The following PCCA variants were observed in gnomAD, a reference collection of about 807,000 sequenced individuals.
PCCA encodes the protein propionyl-CoA carboxylase subunit alpha, also known as propionyl-CoA carboxylase alpha chain, mitochondrial.
Under a neutral mutation model 101.3 loss-of-function variants are expected in PCCA, and 74 were observed. The observed-to-expected ratio is 0.73, with a 90% CI of 0.61 to 0.89. The LOEUF (loss-of-function observed/expected upper bound fraction) is 0.89. Ranked by LOEUF, PCCA falls within the 40% of genes least tolerant of loss-of-function variation. The pLI is 0.00. For missense variants in PCCA, 891 were observed against 907.0 expected, an observed-to-expected ratio of 0.98 and a Z score of 0.23; for synonymous variants, 294 against 313.6, an observed-to-expected ratio of 0.94 and a Z score of 0.66.
intron 19 of PCCA, among the ~76,000 whole-genome samples, chr13:100,406,612 G>C (rs1283283): frequency 0.065 from 9,850 of 152,278 alleles, 983 homozygotes; most frequent in African/African-American, 0.22. Context: ...GCTGAGGTAG[G>C]AGAATCGCTT....
chr13:100,363,041 T>G (rs1025106603), intron 18 of PCCA, among the ~76,000 whole-genome samples: 2 of 152,214 alleles, frequency 1.3e-5, no homozygotes, highest in African/African-American at 2.4e-5. Context: ...CTGTTTAAAA[T>G]TCCTTTAATC....
chr13:100,264,266 CAT>C (rs1379919897), intron 10 of PCCA, among the ~76,000 whole-genome samples: 7 of 149,952 alleles, frequency 4.7e-5, no homozygotes, highest in Non-Finnish European at 8.9e-5. Flanking sequence ...ATCTGTATCT[CAT>C]ATATATGTAT....
At chr13:100,427,368 T>C (rs2079225297) in intron 20 of PCCA, among the ~76,000 whole-genome samples, 1 of 152,234 alleles carries the variant, frequency 6.6e-6, no homozygotes, top group South Asian at 2.1e-4. Flanking sequence ...AAGAAAGAGG[T>C]ACAAACTCCT....
rs554015301 is a variant in PCCA, at chr13:100,117,985, A to G, written c.300+5924A>G. Among the ~76,000 whole-genome samples, 158 of 151,998 alleles carry G rather than the reference A, an allele frequency of 1.0e-3. No individual in the cohort carries two copies. In the East Asian group the frequency reaches 0.011, roughly 10 times the overall value. On this transcript the variant is annotated intron_variant, in intron 4 of 23. Coordinates refer to ENST00000376285, the MANE Select transcript of PCCA (RefSeq NM_000282.4). ...CAAAAAATTAGCCAGGCGTGGTGGC[A>G]GGCTCCTGTGGTCCCAGCTACTTGG... is the stretch of plus-strand genomic sequence containing the variant.
intron 19 of PCCA, among the ~76,000 whole-genome samples, chr13:100,374,914 G>A (rs977473194): frequency 1.3e-5 from 2 of 152,106 alleles, no homozygotes; most frequent in African/African-American, 4.8e-5. Flanking sequence ...GCTAGGTTTT[G>A]AATTTGTTTG....
In PCCA at chr13:100,394,219, A is replaced by G. The variant is rs945353927; in HGVS notation, c.1746+25645A>G. ...TTTGTTGCAACTGAATTCTCATTTC[A>G]TTCATCCATAACTAGAAACACCTCG... is the stretch of plus-strand genomic sequence containing the variant. On this transcript the variant is annotated intron_variant, in intron 19 of 23. Transcript: ENST00000376285. The surrounding 1 kb of genome is among the most constrained non-coding windows in gnomAD (Gnocchi z 4.3). Among the ~76,000 whole-genome samples, 90 of 152,348 alleles carry G rather than the reference A, an allele frequency of 5.9e-4. No individual in the cohort carries two copies. Among genetic ancestry groups the G allele is most frequent in the African/African-American group, 2.1e-3 (88 of 41,582 alleles).
chr13:100,471,446 A>G (rs2083002801), intron 21 of PCCA, among the ~76,000 whole-genome samples: 1 of 152,228 alleles, frequency 6.6e-6, no homozygotes, highest in South Asian at 2.1e-4. Flanking sequence ...ATGCTGTTGG[A>G]AAAAATGGTG....
At chr13:100,230,683 T>G (rs1007101782) in intron 7 of PCCA, among the ~76,000 whole-genome samples, 1 of 152,162 alleles carries the variant, frequency 6.6e-6, no homozygotes, top group Non-Finnish European at 1.5e-5. Context: ...CCTCTCAAAG[T>G]GTTCATTTGT....
intron 7 of PCCA, among the ~76,000 whole-genome samples, chr13:100,209,872 T>C (rs1448432630): frequency 6.6e-6 from 1 of 152,122 alleles, no homozygotes; most frequent in African/African-American, 2.4e-5. Context: ...CCCCAGGTGA[T>C]CTGCCTGCTT....
intron 8 of PCCA, among the ~76,000 whole-genome samples, chr13:100,254,305 A>G (rs1682310481): frequency 1.3e-5 from 2 of 152,200 alleles, no homozygotes; most frequent in Non-Finnish European, 2.9e-5. Context: ...CACAGAGCCA[A>G]CGCTTATCAT....
intron 7 of PCCA, among the ~76,000 whole-genome samples, chr13:100,222,924 G>A (rs1356742923): frequency 6.6e-6 from 1 of 152,152 alleles, no homozygotes; most frequent in Non-Finnish European, 1.5e-5. Context: ...CAGTACTTCA[G>A]TGGTCTTCTG....
rs1372371858 is a variant in PCCA, at chr13:100,400,620, CTTTTTAGTTCTT to C, written c.1747-25007_1747-24996del. ...TGTAATATGATGATTGATCTTAGTT[CTTTTTAGTTCTT>C]TTTTTTTTTTTTTTTGAGAGTTTTG... On this transcript the variant is annotated intron_variant, in intron 19 of 23. Transcript: ENST00000376285. Among the ~76,000 whole-genome samples the C allele has an allele frequency of 1.9e-4, 12 of 61,950 alleles. No individual in the cohort carries two copies. In the East Asian group the frequency reaches 2.7e-3, roughly 14 times the overall value. 40.6% of individuals were successfully genotyped at this position (61,950 alleles called of 152,430 possible).
At chr13:100,348,448 T>C (rs2072608294) in intron 18 of PCCA, among the ~76,000 whole-genome samples, 1 of 152,204 alleles carries the variant, frequency 6.6e-6, no homozygotes, top group African/African-American at 2.4e-5. Flanking sequence ...TGAAGGCTTC[T>C]TTTTAATAAT....
intron 21 of PCCA, among the ~76,000 whole-genome samples, chr13:100,483,760 T>G (rs1351862502): frequency 6.6e-6 from 1 of 152,252 alleles, no homozygotes; most frequent in South Asian, 2.1e-4. Flanking sequence ...CTAGTCATTT[T>G]ATCATTTTTA....
rs535338627 is a variant in PCCA at position 100,371,127 on chromosome 13, T to G, written c.1746+2553T>G. 2.0e-5 allele frequency among the ~76,000 whole-genome samples: 3 copies of G among 152,352 alleles called. No individual in the cohort carries two copies. In the East Asian group the frequency reaches 5.8e-4, roughly 29 times the overall value. ...ACTAAGTCCTTTCTTTACATCATCC[T>G]GTTCCACTTTCTCCCAAGTGGTGGC... is the stretch of plus-strand genomic sequence containing the variant. On this transcript the variant is annotated intron_variant, in intron 19 of 23. Transcript: ENST00000376285.
At chr13:100,181,643 G>A (rs1263276973) in intron 6 of PCCA, among the ~76,000 whole-genome samples, 1 of 151,876 alleles carries the variant, frequency 6.6e-6, no homozygotes, top group Admixed American at 6.6e-5. Context: ...GGCTGGTCTC[G>A]AACTCCTGGG....
At chr13:100,231,940 C>G (rs2152514903) in intron 7 of PCCA, among the ~76,000 whole-genome samples, 1 of 152,262 alleles carries the variant, frequency 6.6e-6, no homozygotes, top group East Asian at 1.9e-4. Context: ...CCTGTGCGTT[C>G]AAATGTGTAT....
intron 21 of PCCA, among the ~76,000 whole-genome samples, chr13:100,500,115 G>T (rs2085564849): frequency 6.6e-6 from 1 of 152,120 alleles, no homozygotes; most frequent in Non-Finnish European, 1.5e-5. Context: ...AACAATTGTG[G>T]CTCAGTCCAT....
chr13:100,159,366 G>T (rs867454196), intron 6 of PCCA, among the ~76,000 whole-genome samples: 13 of 152,094 alleles, frequency 8.5e-5, no homozygotes, highest in Admixed American at 2.0e-4. Context: ...TGGGATTACA[G>T]GCGTGAGCCA....
Sources: gnomAD v4.1 joint callset for allele counts (sites outside exome capture counted in the v4.1 genomes callset) on GRCh38, gnomAD v4.1.1 for gene constraint, Gnocchi (gnomAD v3.1) non-coding constraint, MANE v1.5 for transcripts, NCBI Gene and HGNC (gene_info 2026-07-23, HGNC 2026-07-21) for gene names.